ABLIM1: variants seen among roughly 807,000 people sequenced by gnomAD.
ABLIM1 encodes actin binding LIM protein 1, also known as actin-binding LIM protein 1.
ABLIM1 carries 40 observed loss-of-function variants against 107.0 expected under a neutral mutation model. The ratio of observed to expected loss-of-function variants is 0.37; its 90% confidence interval spans 0.29 to 0.49. ABLIM1 has a LOEUF of 0.49. ABLIM1 is among the 20% of genes least tolerant of loss of function. ABLIM1 has a pLI of 0.97. For synonymous variants in ABLIM1, 357 were observed against 357.3 expected, an observed-to-expected ratio of 1.00 and a Z score of 0.01; for missense variants, 857 against 1,008.5, an observed-to-expected ratio of 0.85 and a Z score of 2.04.
chr10:114,691,330 T>G (rs916025308), intron 1 of ABLIM1, among the ~76,000 whole-genome samples: 1 of 152,226 alleles, frequency 6.6e-6, no homozygotes, highest in Non-Finnish European at 1.5e-5. Context: ...TGAATTTTTT[T>G]CATATAAACG....
intron 1 of ABLIM1, among the ~76,000 whole-genome samples, chr10:114,739,041 T>C (rs918354242): frequency 2.0e-5 from 3 of 152,154 alleles, no homozygotes; most frequent in Admixed American, 2.0e-4. Flanking sequence ...AGTCATTAAC[T>C]GAATAGAAAC....
At position 114,444,026 on chromosome 10, in the gene ABLIM1, T is replaced by C. The variant is rs2060637337; in HGVS notation, c.1933+3A>G. On this transcript the variant is annotated splice_donor_region_variant and intron_variant, in intron 17 of 22. Transcript: ENST00000533213. Reference sequence around the variant, plus strand: ...CAGGGAAGGTTGGGGGTTTGCTGCTTACCTGAGTTGATGGGAGAATCGTAG... The same window carrying C: ...CAGGGAAGGTTGGGGGTTTGCTGCTCACCTGAGTTGATGGGAGAATCGTAG... 1 of 1,604,962 alleles carries C rather than the reference T, an allele frequency of 6.2e-7. No individual in the cohort carries two copies. Among genetic ancestry groups the C allele is most frequent in the Non-Finnish European group, 8.5e-7 (1 of 1,177,220 alleles).
intron 1 of ABLIM1, among the ~76,000 whole-genome samples, chr10:114,696,311 G>T (rs533730394): frequency 6.6e-6 from 1 of 152,342 alleles, no homozygotes; most frequent in East Asian, 1.9e-4. Flanking sequence ...AGACCAAAAT[G>T]ATGGCAGGTT....
intron 1 of ABLIM1, chr10:114,690,497 A>G: frequency 1.3e-6 from 2 of 1,538,078 alleles, no homozygotes; most frequent in Non-Finnish European, 1.8e-6. Context: ...GGGAGCCCTT[A>G]CAACCAAATC....
intron 6 of ABLIM1, among the ~76,000 whole-genome samples, chr10:114,534,759 C>T (rs1356105060): frequency 6.6e-6 from 1 of 152,086 alleles, no homozygotes; most frequent in East Asian, 1.9e-4. Flanking sequence ...GCCAAACTCT[C>T]TGAAGTTAAA....
intron 2 of ABLIM1, among the ~76,000 whole-genome samples, chr10:114,579,332 G>A (rs1268579039): frequency 6.6e-6 from 1 of 152,290 alleles, no homozygotes; most frequent in African/African-American, 2.4e-5. Context: ...TCTGGATTGT[G>A]GATATTGACA....
intron 1 of ABLIM1, among the ~76,000 whole-genome samples, chr10:114,705,210 A>T (rs1442841532): frequency 6.6e-6 from 1 of 152,326 alleles, no homozygotes; most frequent in East Asian, 1.9e-4. Context: ...GTCATTTTTA[A>T]ATGCTAAAAC....
chr10:114,682,583 T>C (rs1016617333), intron 1 of ABLIM1, among the ~76,000 whole-genome samples: 1 of 152,188 alleles, frequency 6.6e-6, no homozygotes, highest in African/African-American at 2.4e-5. Flanking sequence ...AAACATAAGG[T>C]GTGCCTGTTT....
intron 4 of ABLIM1, among the ~76,000 whole-genome samples, chr10:114,566,635 CT>C (rs2070781832): frequency 6.6e-6 from 1 of 152,204 alleles, no homozygotes; most frequent in African/African-American, 2.4e-5. Flanking sequence ...TACTATCTTG[CT>C]TTCACGTAAT....
At chr10:114,762,126 A>T (rs2082762618) in intron 1 of ABLIM1, among the ~76,000 whole-genome samples, 1 of 151,958 alleles carries the variant, frequency 6.6e-6, no homozygotes, top group African/African-American at 2.4e-5. Context: ...TGCACCTCCC[A>T]GGTTCACACC....
rs114643337 is a variant in ABLIM1 at position 114,531,008 on chromosome 10, A to G, written c.894+13997T>C. ...CTGGTAAAAAAGTAATTAAAAATACACCATGAAACAATGGTAGATTGAATT... is the reference window on the plus strand; with the variant it reads ...CTGGTAAAAAAGTAATTAAAAATACGCCATGAAACAATGGTAGATTGAATT... On this transcript the variant is annotated intron_variant, in intron 6 of 22. Transcript: ENST00000533213. Among the ~76,000 whole-genome samples, 320 of 152,388 alleles carry G rather than the reference A, an allele frequency of 2.1e-3. 2 individuals carry two copies. Among genetic ancestry groups the G allele is most frequent in the African/African-American group, 7.4e-3 (308 of 41,588 alleles).
At chr10:114,622,250 T>TC (rs1226888867) in intron 1 of ABLIM1, among the ~76,000 whole-genome samples, 1 of 149,070 alleles carries the variant, frequency 6.7e-6, no homozygotes, top group African/African-American at 2.4e-5. Flanking sequence ...TCTTTTTCTT[T>TC]TTTTTTTTTT....
chr10:114,725,458 C>G (rs1320790150), intron 1 of ABLIM1, among the ~76,000 whole-genome samples: 1 of 152,116 alleles, frequency 6.6e-6, no homozygotes, highest in Non-Finnish European at 1.5e-5. Flanking sequence ...GCCAATGTGA[C>G]AAAACCCCAA....
At chr10:114,617,190 C>G (rs1422523878) in intron 1 of ABLIM1, among the ~76,000 whole-genome samples, 1 of 151,942 alleles carries the variant, frequency 6.6e-6, no homozygotes, top group East Asian at 1.9e-4. Context: ...TCTGAAAAAT[C>G]CTGGCCGAAG....
intron 1 of ABLIM1, among the ~76,000 whole-genome samples, chr10:114,691,855 T>C (rs181188597): frequency 1.3e-5 from 2 of 152,322 alleles, no homozygotes; most frequent in East Asian, 3.9e-4. Flanking sequence ...AAGAGGATAT[T>C]TATCAACTGT....
intron 1 of ABLIM1, among the ~76,000 whole-genome samples, chr10:114,767,674 T>C (rs1256799198): frequency 6.6e-6 from 1 of 151,950 alleles, no homozygotes; most frequent in African/African-American, 2.4e-5. Flanking sequence ...CCTCAAGCCC[T>C]GGATTTCTTC....
chr10:114,641,257 A>AT (rs1308788044), intron 1 of ABLIM1, among the ~76,000 whole-genome samples: 3 of 146,116 alleles, frequency 2.1e-5, no homozygotes, highest in Non-Finnish European at 3.0e-5. Flanking sequence ...TAAAAAAAAA[A>AT]AAAAAAAAAA....
intron 6 of ABLIM1, among the ~76,000 whole-genome samples, chr10:114,521,536 G>A (rs1482933104): frequency 3.3e-5 from 5 of 152,324 alleles, no homozygotes; most frequent in Admixed American, 3.3e-4. Context: ...TACAAAGTGA[G>A]GTGGGTGTGG....
At chr10:114,648,816 AACAGAT>A (rs1267634255) in intron 1 of ABLIM1, among the ~76,000 whole-genome samples, 2 of 152,146 alleles carry the variant, frequency 1.3e-5, no homozygotes, top group Non-Finnish European at 2.9e-5. Context: ...CACGCAAACA[AACAGAT>A]ACAAATAGCC....
Sources: allele counts gnomAD v4.1 joint callset (sites outside exome capture counted in the v4.1 genomes callset), GRCh38; gene constraint gnomAD v4.1.1; transcripts MANE v1.5; gene names NCBI Gene and HGNC (gene_info 2026-07-23, HGNC 2026-07-21).